The following HAT1 variants were observed in gnomAD, a reference collection of about 807,000 sequenced individuals.
HAT1 encodes histone acetyltransferase 1.
In HAT1, 20 loss-of-function variants were observed where a neutral mutation model predicts 56.6. That is an observed-to-expected ratio of 0.35 (90% CI 0.25 to 0.51). The LOEUF (loss-of-function observed/expected upper bound fraction) is 0.51, where lower values mean the gene tolerates loss of function less well. Among genes scored for constraint, HAT1 ranks in the 20% least tolerant of loss-of-function variants. The probability of loss-of-function intolerance (pLI) is 0.95; values close to 1 mark genes in which losing one functional copy is unlikely to be tolerated. For synonymous variants in HAT1, 146 were observed against 165.5 expected (o/e 0.88, Z 0.91); for missense variants, 408 against 504.3 (o/e 0.81, Z 1.83).
intron 2 of HAT1, among the ~76,000 whole-genome samples, chr2:171,941,536 CTAG>C (rs894303473): frequency 1.8e-4 from 28 of 152,308 alleles, no homozygotes; most frequent in African/African-American, 6.7e-4. Flanking sequence ...CTCCCCAGTG[CTAG>C]TATCACTGCC....
chr2:171,941,183 A>C (rs1310007236), intron 2 of HAT1, among the ~76,000 whole-genome samples: 1 of 151,828 alleles, frequency 6.6e-6, no homozygotes, highest in East Asian at 1.9e-4. Flanking sequence ...GCCACTCACT[A>C]CTCACTGATA....
intron 3 of HAT1, among the ~76,000 whole-genome samples, chr2:171,950,629 G>A (rs1687285143): frequency 6.6e-6 from 1 of 151,852 alleles, no homozygotes; most frequent in South Asian, 2.1e-4. Flanking sequence ...TCAGCTTCTC[G>A]AGTAGGTGGG....
At chr2:171,945,310 C>T (rs1376437965) in intron 2 of HAT1, among the ~76,000 whole-genome samples, 1 of 151,878 alleles carries the variant, frequency 6.6e-6, no homozygotes, top group African/African-American at 2.4e-5. Context: ...TAAAAGGATA[C>T]CCATTCCATC....
Position 171,978,255 on chromosome 2 carries a change from C to T in HAT1, c.976-992C>T, listed in dbSNP as rs186824818. On this transcript the variant is annotated intron_variant, in intron 9 of 10. Transcript: ENST00000264108. ...AATTTTTGTAGAGACAGGGTTCCTACAGGCTGTTCTCAAACTGCTAGGCTC... is the reference window on the plus strand; with the variant it reads ...AATTTTTGTAGAGACAGGGTTCCTATAGGCTGTTCTCAAACTGCTAGGCTC... Among the ~76,000 whole-genome samples the T allele has an allele frequency of 6.6e-5, 10 of 152,072 alleles. No homozygotes were observed. The East Asian group carries it at 1.9e-3, about 29-fold the overall frequency.
intron 2 of HAT1, among the ~76,000 whole-genome samples, chr2:171,937,877 G>C (rs1020304948): frequency 7.2e-5 from 11 of 152,106 alleles, no homozygotes; most frequent in African/African-American, 2.4e-4. Flanking sequence ...CAAACAATTA[G>C]CCAAGTGTGT....
chr2:171,982,291 G>T (rs1190182771), intron 10 of HAT1, among the ~76,000 whole-genome samples: 1 of 152,120 alleles, frequency 6.6e-6, no homozygotes, highest in Non-Finnish European at 1.5e-5. Flanking sequence ...TTGGGCCCAG[G>T]AGTTCTAGAA....
chr2:171,942,824 CAG>C (rs142547388), intron 2 of HAT1, among the ~76,000 whole-genome samples: 1,812 of 152,184 alleles, frequency 0.012, 12 homozygotes, highest in Non-Finnish European at 0.016. Context: ...ATTTGGATGA[CAG>C]GGGCATCAGA....
intron 8 of HAT1, among the ~76,000 whole-genome samples, chr2:171,974,210 A>AAAAAAAAAAAG (rs1687905335): frequency 4.1e-5 from 3 of 72,692 alleles, no homozygotes; most frequent in African/African-American, 4.0e-5. Flanking sequence ...AGAAAAAGAA[A>AAAAAAAAAAAG]AAAAAAAAAA....
Position 171,925,545 on chromosome 2 carries a change from G to A in HAT1, c.16G>A (p.Ala6Thr). 2.0e-6 allele frequency: 3 copies of A among 1,479,086 alleles called. No individual in the cohort carries two copies. Among genetic ancestry groups the A allele is most frequent in the Non-Finnish European group, 2.8e-6 (3 of 1,057,278 alleles). The allele number at this position is 1,479,086 out of a possible 1,614,324, so 91.6% of individuals were successfully genotyped here. A position where few individuals can be genotyped will look rare whatever the true frequency, so the allele number is the denominator to read the frequency against. MAGFG[A>T]MEKFLVEYKS... ...AAAACCTTTTCTCTTAGGATTTGGT[G>A]CTATGGAGAAATTTTTGGTAGAATA... The change falls in exon 2 of 11, where the codon GCT (alanine) becomes ACT (threonine). Residue 6 changes from alanine to threonine, a missense_variant. Transcript: ENST00000264108.
chr2:171,983,379 T>C lies in HAT1; in HGVS notation c.*27T>C, dbSNP rs778205916. On this transcript the variant is annotated 3_prime_UTR_variant, in exon 11 of 11. Transcript: ENST00000264108. Reference sequence around the variant, plus strand: ...GATTATACTGCTCTGTACAGGAAGCTTGCAAATTTTCTGTACAATGTGCTG... The same window carrying C: ...GATTATACTGCTCTGTACAGGAAGCCTGCAAATTTTCTGTACAATGTGCTG... 4 of 1,364,184 alleles carry C rather than the reference T, an allele frequency of 2.9e-6. No homozygotes were observed. The highest frequency in any genetic ancestry group is 3.9e-6 in the Non-Finnish European group (4 of 1,013,910). 84.5% of individuals were successfully genotyped at this position (1,364,184 alleles called of 1,614,324 possible).
intron 2 of HAT1, among the ~76,000 whole-genome samples, chr2:171,927,608 A>C (rs1305491299): frequency 1.3e-5 from 2 of 152,156 alleles, no homozygotes. Context: ...TTTATTTTAG[A>C]GACAGAGTCT....
At chr2:171,936,881 G>A (rs1574038481) in intron 2 of HAT1, among the ~76,000 whole-genome samples, 2 of 152,272 alleles carry the variant, frequency 1.3e-5, no homozygotes, top group African/African-American at 2.4e-5. Context: ...CCCCGTGGGG[G>A]CCAGAATCCA....
intron 8 of HAT1, among the ~76,000 whole-genome samples, chr2:171,970,991 A>C (rs1687802391): frequency 1.3e-5 from 2 of 151,800 alleles, no homozygotes; most frequent in South Asian, 4.1e-4. Flanking sequence ...ACAAGGTCAG[A>C]AGATCGAGAC....
intron 2 of HAT1, among the ~76,000 whole-genome samples, chr2:171,941,528 C>T (rs1687018368): frequency 6.6e-6 from 1 of 152,164 alleles, no homozygotes; most frequent in African/African-American, 2.4e-5. Context: ...TGCATCCGCT[C>T]CCCAGTGCTA....
At chr2:171,941,635 T>G (rs1194949649) in intron 2 of HAT1, among the ~76,000 whole-genome samples, 1 of 151,876 alleles carries the variant, frequency 6.6e-6, no homozygotes, top group African/African-American at 2.4e-5. Flanking sequence ...CTCAGTAGGG[T>G]TTTTGCTCCT....
At chr2:171,925,446 C>T in intron 1 of HAT1, 91 bp from the exon 2 acceptor site, 2 of 662,836 alleles carry the variant, frequency 3.0e-6, no homozygotes, top group Middle Eastern at 2.9e-4. Flanking sequence ...TGTTTTAAAT[C>T]ATACCCCTAT....
In HAT1 at chr2:171,967,214, C is replaced by T. The variant is rs1014420958; in HGVS notation, c.823+265C>T. ...GGGAAGTCTTGGTCAGGCGTAAATA[C>T]GTTGAAAGTATGGTATAACTTATTT... On this transcript the variant is annotated intron_variant, in intron 8 of 10. Coordinates refer to ENST00000264108, the MANE Select transcript of HAT1 (RefSeq NM_003642.4). Among the ~76,000 whole-genome samples, 36 of 152,010 alleles carry T rather than the reference C, an allele frequency of 2.4e-4. 1 individual carries two copies. The highest frequency in any genetic ancestry group is 8.0e-4 in the African/African-American group (33 of 41,396).
intron 9 of HAT1, among the ~76,000 whole-genome samples, chr2:171,978,042 C>CT (rs1297966116): frequency 6.8e-6 from 1 of 147,710 alleles, no homozygotes; most frequent in East Asian, 2.0e-4. Flanking sequence ...TACCATTTGT[C>CT]TTTTTTTTTC....
Position 171,923,880 on chromosome 2 carries a change from T to G in HAT1, c.7+1373T>G, listed in dbSNP as rs180771131. ...AAAATGGGGTTGATGTAATACCTAC[T>G]TATAGAATTGTGCAGATTGAGCTAA... On this transcript the variant is annotated intron_variant, in intron 1 of 10. Transcript: ENST00000264108. 5 of 152,352 alleles carry G rather than the reference T, an allele frequency of 3.3e-5. No homozygotes were observed. In the East Asian group the frequency reaches 9.6e-4, roughly 29 times the overall value. 9.4% of individuals were successfully genotyped at this position (152,352 alleles called of 1,614,324 possible). A position where few individuals can be genotyped will look rare whatever the true frequency, so the allele number is the denominator to read the frequency against.
Sources: allele counts gnomAD v4.1 joint callset (sites outside exome capture counted in the v4.1 genomes callset), GRCh38; gene constraint gnomAD v4.1.1; transcripts MANE v1.5; gene names NCBI Gene and HGNC (gene_info 2026-07-23, HGNC 2026-07-21).